Variants in KSR2 observed in about 807,000 individuals in gnomAD.
KSR2 encodes kinase suppressor of ras 2.
Under a neutral mutation model 107.8 loss-of-function variants are expected in KSR2, and 25 were observed. The observed-to-expected ratio is 0.23, with a 90% confidence interval of 0.17 to 0.32. KSR2 has a LOEUF of 0.32. Among genes scored for constraint, KSR2 ranks in the 10% least tolerant of loss-of-function variants. KSR2 has a pLI of 1.00. For synonymous variants in KSR2, 480 were observed against 507.0 expected, an observed-to-expected ratio of 0.95 and a Z score of 0.71; for missense variants, 887 against 1,268.9, an observed-to-expected ratio of 0.70 and a Z score of 4.57.
At chr12:117,924,567 C>A (rs1457620859) in intron 1 of KSR2, among the ~76,000 whole-genome samples, 3 of 82,070 alleles carry the variant, frequency 3.7e-5, no homozygotes, top group Admixed American at 1.7e-4. Flanking sequence ...AGTGAAGCTC[C>A]ATCTCAAAAA....
At chr12:117,760,547 G>C (rs1195320646) in intron 4 of KSR2, among the ~76,000 whole-genome samples, 1 of 152,162 alleles carries the variant, frequency 6.6e-6, no homozygotes, top group Non-Finnish European at 1.5e-5. Context: ...CTACTAGAAA[G>C]TTGAAGGTTA....
chr12:117,947,187 AAAAG>A lies in KSR2; in HGVS notation c.180+20885_180+20888del, dbSNP rs1325474498. Among the ~76,000 whole-genome samples, 241 of 102,604 alleles carry A rather than the reference AAAAG, an allele frequency of 2.3e-3. 4 individuals are homozygous for A. In the East Asian group the frequency reaches 0.04, roughly 17 times the overall value. 67.3% of individuals were successfully genotyped at this position (102,604 alleles called of 152,430 possible). On this transcript the variant is annotated intron_variant, in intron 1 of 19. Transcript: ENST00000339824. The stretch of plus-strand genomic sequence containing the variant: ...TGTCAAAAGAAAGAAAGAAAGAAAG[AAAAG>A]AAAGAAAAGAAAGAAAAGAAAGAAA...
At chr12:117,772,177 C>T (rs2136915436) in intron 3 of KSR2, among the ~76,000 whole-genome samples, 1 of 147,652 alleles carries the variant, frequency 6.8e-6, no homozygotes, top group Non-Finnish European at 1.5e-5. Flanking sequence ...TACACATACA[C>T]ACCATTCCCC....
At chr12:117,534,792 G>A (rs1200682381) in intron 10 of KSR2, among the ~76,000 whole-genome samples, 1 of 151,924 alleles carries the variant, frequency 6.6e-6, no homozygotes, top group Non-Finnish European at 1.5e-5. Flanking sequence ...CCTCAGAAGA[G>A]GAAGGCAGGG....
chr12:117,826,995 A>T (rs1226416798), intron 3 of KSR2, among the ~76,000 whole-genome samples: 1 of 141,570 alleles, frequency 7.1e-6, no homozygotes, highest in Non-Finnish European at 1.5e-5. Context: ...AGATCACACC[A>T]CCACACTCCA....
intron 7 of KSR2, among the ~76,000 whole-genome samples, chr12:117,560,686 A>G (rs1878050023): frequency 6.6e-6 from 1 of 152,218 alleles, no homozygotes; most frequent in African/African-American, 2.4e-5. Context: ...TGTGACCTCC[A>G]AGTTGGAAGT....
intron 3 of KSR2, among the ~76,000 whole-genome samples, chr12:117,820,182 G>A (rs1241025563): frequency 6.6e-6 from 1 of 152,162 alleles, no homozygotes; most frequent in Non-Finnish European, 1.5e-5. Context: ...CCCCTACCCA[G>A]CTCTATGAGA....
intron 1 of KSR2, among the ~76,000 whole-genome samples, chr12:117,892,284 A>G (rs1894370717): frequency 6.6e-6 from 1 of 152,228 alleles, no homozygotes; most frequent in Non-Finnish European, 1.5e-5. Context: ...AGTCTGGGCA[A>G]CAAGAGCAAG....
chr12:117,756,325 C>T (rs1460287666), intron 4 of KSR2, among the ~76,000 whole-genome samples: 2 of 152,204 alleles, frequency 1.3e-5, no homozygotes, highest in African/African-American at 2.4e-5. Context: ...TAGGGACTAC[C>T]GCAGCTGGTG....
At chr12:117,525,493 C>T (rs941197438) in intron 13 of KSR2, among the ~76,000 whole-genome samples, 9 of 152,072 alleles carry the variant, frequency 5.9e-5, no homozygotes, top group Non-Finnish European at 1.2e-4. Flanking sequence ...TTATAGGGAT[C>T]GCCCATTCTA....
chr12:117,481,663 T>C (rs1275736893), intron 16 of KSR2, among the ~76,000 whole-genome samples: 1 of 152,238 alleles, frequency 6.6e-6, no homozygotes, highest in Non-Finnish European at 1.5e-5. Context: ...CACTCCCTAA[T>C]TATTTGCTGA....
At chr12:117,757,054 CAAA>C (rs58452409) in intron 4 of KSR2, among the ~76,000 whole-genome samples, 3 of 137,490 alleles carry the variant, frequency 2.2e-5, no homozygotes, top group Admixed American at 7.4e-5. Context: ...GACTCCATCT[CAAA>C]AAAAAAAAAA....
chr12:117,772,639 C>T (rs1889543776), intron 3 of KSR2, among the ~76,000 whole-genome samples: 1 of 150,976 alleles, frequency 6.6e-6, no homozygotes, highest in African/African-American at 2.4e-5. Context: ...AAGACGCACA[C>T]ACACACATAC....
At chr12:117,760,933 G>T (rs1888979302) in intron 4 of KSR2, 78 bp downstream of exon 4, 1 of 1,569,298 alleles carries the variant, frequency 6.4e-7, no homozygotes, top group Non-Finnish European at 8.7e-7. Flanking sequence ...CCTTGACCTG[G>T]GCAGTTCCTG....
intron 4 of KSR2, among the ~76,000 whole-genome samples, chr12:117,705,346 T>C (rs1451883813): frequency 1.3e-5 from 2 of 152,190 alleles, no homozygotes; most frequent in Non-Finnish European, 2.9e-5. Context: ...TCCAACACTC[T>C]TCTGGTTATG....
intron 4 of KSR2, among the ~76,000 whole-genome samples, chr12:117,731,509 T>C (rs1344020479): frequency 1.6e-4 from 23 of 145,632 alleles, no homozygotes; most frequent in East Asian, 4.2e-4. Flanking sequence ...AGGCCCTCTG[T>C]CCGGCCGCCA....
At chr12:117,533,039 A>G (rs1440267448) in intron 10 of KSR2, among the ~76,000 whole-genome samples, 1 of 152,220 alleles carries the variant, frequency 6.6e-6, no homozygotes, top group Non-Finnish European at 1.5e-5. Flanking sequence ...CACTGTCCAC[A>G]CGTGTAAAAT....
In KSR2 at chr12:117,506,269, C is replaced by T. The variant is rs185549942; in HGVS notation, c.2219+18583G>A. On this transcript the variant is annotated intron_variant, in intron 14 of 19. Coordinates refer to ENST00000339824, the MANE Select transcript of KSR2 (RefSeq NM_173598.6). ...AGCTAAATATCAAGGCTTTCAGATG[C>T]AATTTCGTGAATTATTTCAACCAGG... is the stretch of plus-strand genomic sequence containing the variant. Among the ~76,000 whole-genome samples, 417 of 152,268 alleles carry T rather than the reference C, an allele frequency of 2.7e-3. 3 individuals are homozygous for T. Among genetic ancestry groups the T allele is most frequent in the Middle Eastern group, 6.8e-3 (2 of 294 alleles).
intron 7 of KSR2, among the ~76,000 whole-genome samples, chr12:117,562,436 T>C (rs573680088): frequency 5.3e-5 from 8 of 152,288 alleles, no homozygotes; most frequent in South Asian, 4.2e-4. Flanking sequence ...AAGAAGTTTC[T>C]GCACTTGGAA....
Sources: gnomAD v4.1 joint callset for allele counts (sites outside exome capture counted in the v4.1 genomes callset) on GRCh38, gnomAD v4.1.1 for gene constraint, MANE v1.5 for transcripts, NCBI Gene and HGNC (gene_info 2026-07-23, HGNC 2026-07-21) for gene names.